CEP170: variants seen among roughly 807,000 people sequenced by gnomAD.
The protein encoded by CEP170 is centrosomal protein of 170 kDa.
CEP170 carries 21 observed loss-of-function variants against 151.9 expected under a neutral mutation model. That is an observed-to-expected ratio of 0.14 (90% confidence interval 0.10 to 0.20). The LOEUF is 0.20. Among genes scored for constraint, CEP170 ranks in the 10% least tolerant of loss-of-function variants. The pLI is 1.00. For synonymous variants in CEP170, 356 were observed against 648.8 expected, an observed-to-expected ratio of 0.55 and a Z score of 6.86; for missense variants, 964 against 1,892.9, an observed-to-expected ratio of 0.51 and a Z score of 9.11.
intron 11 of CEP170, among the ~76,000 whole-genome samples, chr1:243,170,425 G>C (rs2058750089): frequency 6.6e-6 from 1 of 152,074 alleles, no homozygotes; most frequent in African/African-American, 2.4e-5. Context: ...CATTAATAAT[G>C]ACAAGCTAAA....
At chr1:243,171,951 T>G (rs2148615845) in intron 11 of CEP170, among the ~76,000 whole-genome samples, 2 of 152,350 alleles carry the variant, frequency 1.3e-5, no homozygotes, top group East Asian at 3.9e-4. Context: ...TTAATTAATT[T>G]CATATTATTC....
Position 243,211,925 on chromosome 1 carries a change from T to C in CEP170, c.235A>G (p.Ile79Val), listed in dbSNP as rs897979782. 1 of 1,583,610 alleles carries C rather than the reference T, an allele frequency of 6.3e-7. No individual in the cohort carries two copies. The highest frequency in any genetic ancestry group is 8.6e-7 in the Non-Finnish European group (1 of 1,167,900). ...NDVRIPEQTYITLKLEDKLRF... is the reference protein window; with the variant it reads ...NDVRIPEQTYVTLKLEDKLRF... ...AGCTTATCTTCAAGTTTCAAGGTGA[T>C]ATAAGTCTGTTCCGGAATCCTTACA... The change falls in exon 4 of 20, where the codon ATC (isoleucine) becomes GTC (valine). Residue 79 changes from isoleucine (I) to valine (V), a missense_variant. Physicochemically the swap from Ile to Val is conservative, Grantham distance 29. Transcript: ENST00000366542.
chr1:243,209,570 A>T (rs528839808), intron 4 of CEP170, among the ~76,000 whole-genome samples: 5 of 152,356 alleles, frequency 3.3e-5, no homozygotes, highest in African/African-American at 1.2e-4. Context: ...TTTTAATTAG[A>T]ATAAAGTACA....
chr1:243,253,332 C>T (rs1365373331), intron 1 of CEP170: 1 of 152,164 alleles, frequency 6.6e-6, no homozygotes, highest in Non-Finnish European at 1.5e-5. Context: ...GAGAAGCTTT[C>T]CATACATTTT....
intron 1 of CEP170, among the ~76,000 whole-genome samples, chr1:243,247,248 T>C (rs1244301741): frequency 6.6e-6 from 1 of 152,270 alleles, no homozygotes; most frequent in Admixed American, 6.5e-5. Context: ...GGAAGCCTTT[T>C]AACTTGCTTA....
chr1:243,193,450 C>G (rs1486777103), intron 7 of CEP170, among the ~76,000 whole-genome samples: 3 of 151,694 alleles, frequency 2.0e-5, no homozygotes. Flanking sequence ...TACCACTACA[C>G]AGAGAGCCAA....
chr1:243,251,894 C>T (rs1055414386), intron 1 of CEP170, among the ~76,000 whole-genome samples: 2 of 152,108 alleles, frequency 1.3e-5, no homozygotes, highest in African/African-American at 4.8e-5. Flanking sequence ...ATGTCACTGG[C>T]TTTGGCTAAA....
intron 8 of CEP170, among the ~76,000 whole-genome samples, chr1:243,189,137 G>C (rs1229496595): frequency 6.6e-6 from 1 of 152,122 alleles, no homozygotes; most frequent in African/African-American, 2.4e-5. Flanking sequence ...TCTAGTAAGG[G>C]CTTAAAAGAT....
intron 17 of CEP170, among the ~76,000 whole-genome samples, chr1:243,129,675 G>GAT (rs2054147556): frequency 1.3e-5 from 2 of 151,994 alleles, no homozygotes; most frequent in Admixed American, 6.6e-5. Context: ...ATTCTTTACT[G>GAT]TTTATCTTAT....
At chr1:243,157,702 C>CAA (rs2057682971) in intron 13 of CEP170, among the ~76,000 whole-genome samples, 1 of 152,126 alleles carries the variant, frequency 6.6e-6, no homozygotes, top group Non-Finnish European at 1.5e-5. Flanking sequence ...TCTTTTCCTC[C>CAA]AAAAACTACA....
intron 14 of CEP170, among the ~76,000 whole-genome samples, chr1:243,149,272 G>C (rs1014615159): frequency 6.6e-6 from 1 of 152,216 alleles, no homozygotes; most frequent in African/African-American, 2.4e-5. Flanking sequence ...GCAAACCTAT[G>C]CTATCTCCAC....
intron 14 of CEP170, among the ~76,000 whole-genome samples, chr1:243,151,414 T>G (rs1182374511): frequency 6.6e-6 from 1 of 151,536 alleles, no homozygotes; most frequent in Non-Finnish European, 1.5e-5. Flanking sequence ...TTAAAAGTGC[T>G]ACTCTAGTGA....
intron 17 of CEP170, among the ~76,000 whole-genome samples, chr1:243,132,378 A>T (rs1269703853): frequency 6.6e-6 from 1 of 152,194 alleles, no homozygotes; most frequent in Admixed American, 6.5e-5. Flanking sequence ...ATTATACGCT[A>T]TCTTGTACGA....
rs2060281193 is a variant in CEP170, at chr1:243,191,133, G to C, written c.993C>G (p.Asn331Lys). The C allele has an allele frequency of 6.2e-7, 1 of 1,613,302 alleles. No homozygotes were observed. Among genetic ancestry groups the C allele is most frequent in the Admixed American group, 1.7e-5 (1 of 59,958 alleles). ...TTTGTGCTAGCCAGTCAGCAACTTT[G>C]TTTTCGGGTGCCATCATTCCTGTTT... ...GIQTGMMAPENKVADWLAQNN... is the reference protein window; with the variant it reads ...GIQTGMMAPEKKVADWLAQNN... The change falls in exon 8 of 20, where the codon AAC becomes AAG. Residue 331 changes from asparagine to lysine, a missense_variant. Physicochemically the swap from Asn to Lys is moderately conservative, Grantham distance 94. Coordinates refer to ENST00000366542, the MANE Select transcript of CEP170 (RefSeq NM_014812.3).
chr1:243,187,281 T>C (rs1433074132), intron 8 of CEP170, among the ~76,000 whole-genome samples: 1 of 152,222 alleles, frequency 6.6e-6, no homozygotes, highest in Non-Finnish European at 1.5e-5. Flanking sequence ...TAAAAGCCAC[T>C]AGTTACCCTT....
chr1:243,214,709 T>A (rs1240604631), intron 3 of CEP170, among the ~76,000 whole-genome samples: 1 of 152,186 alleles, frequency 6.6e-6, no homozygotes, highest in Non-Finnish European at 1.5e-5. Context: ...GATGGATATA[T>A]GTTCCAGGTG....
rs1273540740 is a variant in CEP170 at position 243,253,469 on chromosome 1, TTA to T, written c.-42+1569_-42+1570del. On this transcript the variant is annotated intron_variant, in intron 1 of 19. Coordinates refer to ENST00000366542, the MANE Select transcript of CEP170 (RefSeq NM_014812.3). ...GACAAGTCAGTTAACTTTCTGAGTT[TTA>T]GTGTCTTCCTCTGTCAAGTGCACTT... 8 of 152,370 alleles carry T rather than the reference TTA, an allele frequency of 5.3e-5. No homozygotes were observed. The South Asian group carries it at 1.7e-3, about 32-fold the overall frequency. 9.4% of individuals were successfully genotyped at this position (152,370 alleles called of 1,614,324 possible). A position where few individuals can be genotyped will look rare whatever the true frequency, so the allele number is the denominator to read the frequency against.
In CEP170 at chr1:243,221,704, A is replaced by T. The variant is rs1421913367; in HGVS notation, c.195+20T>A. 1.3e-6 allele frequency: 2 copies of T among 1,592,166 alleles called. No individual in the cohort carries two copies. Among genetic ancestry groups the T allele is most frequent in the Non-Finnish European group, 8.5e-7 (1 of 1,171,378 alleles). On this transcript the variant is annotated intron_variant, in intron 3 of 19. Transcript: ENST00000366542. ...TTAAACAAATGTTCAAACAAGACAA[A>T]AAATAAACCATTGACTTACCCCATT...
chr1:243,254,112 T>A (rs1170335499), intron 1 of CEP170, among the ~76,000 whole-genome samples: 1 of 152,052 alleles, frequency 6.6e-6, no homozygotes, highest in Non-Finnish European at 1.5e-5. Flanking sequence ...CAACGTCACC[T>A]AGTAATTTTA....
Sources: gnomAD v4.1 joint callset for allele counts (sites outside exome capture counted in the v4.1 genomes callset) on GRCh38, gnomAD v4.1.1 for gene constraint, MANE v1.5 for transcripts, NCBI Gene and HGNC (gene_info 2026-07-23, HGNC 2026-07-21) for gene names.